The following IGSF21 variants were observed in gnomAD, a reference collection of about 807,000 sequenced individuals.
IGSF21 encodes immunoglobulin superfamily member 21.
Under a neutral mutation model 46.8 loss-of-function variants are expected in IGSF21, and 28 were observed. That is an observed-to-expected ratio of 0.60 (90% CI 0.44 to 0.82). The LOEUF (loss-of-function observed/expected upper bound fraction) is 0.82. Ranked by LOEUF, IGSF21 falls within the 40% of genes least tolerant of loss-of-function variation. The pLI, the probability that IGSF21 is intolerant of heterozygous loss-of-function variation, is 0.00. For synonymous variants in IGSF21, 284 were observed against 273.6 expected, an observed-to-expected ratio of 1.04 and a Z score of -0.38; for missense variants, 624 against 665.5, an observed-to-expected ratio of 0.94 and a Z score of 0.69.
In IGSF21 at chr1:18,292,118, G is replaced by A. The variant is rs369630557; in HGVS notation, c.305+131G>A. The stretch of plus-strand genomic sequence containing the variant: ...TTGGGCTTGGAAGGCAGAACTGGGG[G>A]CTCCCCTTATGGAAGTGGGACCCAT... On this transcript the variant is annotated intron_variant, in intron 3 of 9. Transcript: ENST00000251296. 62 of 982,380 alleles carry A rather than the reference G, an allele frequency of 6.3e-5. 1 individual carries two copies. The East Asian group carries it at 7.6e-4, about 12-fold the overall frequency. 60.9% of individuals were successfully genotyped at this position (982,380 alleles called of 1,614,324 possible).
chr1:18,161,210 G>A (rs554306302), intron 1 of IGSF21, among the ~76,000 whole-genome samples: 10 of 152,178 alleles, frequency 6.6e-5, no homozygotes, highest in Non-Finnish European at 1.3e-4. Context: ...GAGTCCCTAC[G>A]GGGCCCTCCC....
chr1:18,378,118 A>T, intron 9 of IGSF21, 138 bp from the exon 10 acceptor site: 1 of 652,892 alleles, frequency 1.5e-6, no homozygotes, highest in Non-Finnish European at 2.7e-6. Flanking sequence ...TTAGGTGGCC[A>T]GGTGGCAGAG....
At chr1:18,126,592 GC>G (rs2086276011) in intron 1 of IGSF21, among the ~76,000 whole-genome samples, 1 of 152,078 alleles carries the variant, frequency 6.6e-6, no homozygotes, top group Non-Finnish European at 1.5e-5. Flanking sequence ...CTGCGGCAGT[GC>G]CCCCCTACTT....
intron 2 of IGSF21, among the ~76,000 whole-genome samples, chr1:18,258,105 G>A (rs1215459827): frequency 6.6e-6 from 1 of 152,200 alleles, no homozygotes; most frequent in African/African-American, 2.4e-5. Flanking sequence ...CTTTGGGACA[G>A]TTGCGCTCCT....
intron 1 of IGSF21, among the ~76,000 whole-genome samples, chr1:18,116,479 CAT>C (rs2086191177): frequency 6.6e-6 from 1 of 152,250 alleles, no homozygotes; most frequent in African/African-American, 2.4e-5. Flanking sequence ...AGCAATAACA[CAT>C]GAGAGCTTTT....
chr1:18,160,177 G>A (rs1047540402), intron 1 of IGSF21, among the ~76,000 whole-genome samples: 4 of 152,200 alleles, frequency 2.6e-5, no homozygotes, highest in African/African-American at 4.8e-5. Context: ...ACTTCTCACC[G>A]AACTAGTTTA....
chr1:18,304,221 T>A (rs1240077911), intron 3 of IGSF21, among the ~76,000 whole-genome samples: 2 of 152,174 alleles, frequency 1.3e-5, no homozygotes, highest in Non-Finnish European at 2.9e-5. Flanking sequence ...GATGAAGACT[T>A]GCTCTGGCTG....
chr1:18,281,917 G>A (rs369495918), intron 2 of IGSF21, among the ~76,000 whole-genome samples: 1 of 152,286 alleles, frequency 6.6e-6, no homozygotes, highest in South Asian at 2.1e-4. Context: ...TCTGGATTTG[G>A]GGGTGTGGTG....
At chr1:18,359,336 GAAAA>G (rs1162951748) in intron 4 of IGSF21, among the ~76,000 whole-genome samples, 4,752 of 43,922 alleles carry the variant, frequency 0.11, 419 homozygotes, top group Non-Finnish European at 0.13. Flanking sequence ...GAAAGAGAAA[GAAAA>G]AGAAAGAAAG....
intron 1 of IGSF21, among the ~76,000 whole-genome samples, chr1:18,128,643 A>G (rs927542547): frequency 6.6e-6 from 1 of 152,122 alleles, no homozygotes; most frequent in African/African-American, 2.4e-5. Context: ...ATTCTTGCAG[A>G]ACTCCACGTG....
rs148033483 is a variant in IGSF21 at position 18,324,986 on chromosome 1, G to A, written c.306-9906G>A. On this transcript the variant is annotated intron_variant, in intron 3 of 9. Coordinates refer to ENST00000251296, the MANE Select transcript of IGSF21 (RefSeq NM_032880.5). The stretch of plus-strand genomic sequence containing the variant: ...CCTTAGTCAAGTTCACAGCAGGGAG[G>A]ATGAGACAATTTGCTCTTGAGCTAG... Among the ~76,000 whole-genome samples, 263 of 152,356 alleles carry A rather than the reference G, an allele frequency of 1.7e-3. 1 individual carries two copies. Among genetic ancestry groups the A allele is most frequent in the Middle Eastern group, 0.014 (4 of 292 alleles).
At chr1:18,229,919 G>A (rs889806946) in intron 2 of IGSF21, among the ~76,000 whole-genome samples, 1 of 152,240 alleles carries the variant, frequency 6.6e-6, no homozygotes, top group East Asian at 1.9e-4. Flanking sequence ...AGAGGGAGGG[G>A]TGGTGAAAGA....
At chr1:18,210,247 G>A (rs72655145) in intron 1 of IGSF21, among the ~76,000 whole-genome samples, 22,809 of 152,148 alleles carry the variant, frequency 0.15, 2,157 homozygotes, top group Non-Finnish European at 0.2. Context: ...GCTCCCCTGG[G>A]AAGAGGGATC....
intron 3 of IGSF21, among the ~76,000 whole-genome samples, chr1:18,324,381 C>T (rs541817461): frequency 7.2e-5 from 11 of 152,210 alleles, no homozygotes; most frequent in Non-Finnish European, 1.5e-4. Flanking sequence ...ACTCCACATC[C>T]GCCTCTGGAT....
chr1:18,218,596 T>A (rs2124497574), intron 1 of IGSF21, among the ~76,000 whole-genome samples: 1 of 152,292 alleles, frequency 6.6e-6, no homozygotes, highest in South Asian at 2.1e-4. Context: ...AACACTAGAA[T>A]CAAGGTGCCA....
intron 1 of IGSF21, among the ~76,000 whole-genome samples, chr1:18,200,882 C>G (rs1169126429): frequency 6.6e-6 from 1 of 152,154 alleles, no homozygotes; most frequent in Non-Finnish European, 1.5e-5. Flanking sequence ...TTTACCCCAG[C>G]CCCATGAGGA....
At chr1:18,287,038 G>A (rs1031537403) in intron 2 of IGSF21, among the ~76,000 whole-genome samples, 12 of 151,182 alleles carry the variant, frequency 7.9e-5, no homozygotes, top group Non-Finnish European at 1.5e-4. Context: ...AAAATTAGCC[G>A]GGCGTAGTGG....
chr1:18,277,627 G>C (rs2085114848), intron 2 of IGSF21, among the ~76,000 whole-genome samples: 1 of 152,176 alleles, frequency 6.6e-6, no homozygotes, highest in African/African-American at 2.4e-5. Context: ...AAACTGTCCA[G>C]GTGCCTTTTA....
At chr1:18,139,026 TC>T (rs1410640293) in intron 1 of IGSF21, among the ~76,000 whole-genome samples, 2 of 152,104 alleles carry the variant, frequency 1.3e-5, no homozygotes, top group African/African-American at 4.8e-5. Flanking sequence ...AAAACCCACA[TC>T]CTTACCCACT....
Sources: gnomAD v4.1 joint callset for allele counts (sites outside exome capture counted in the v4.1 genomes callset) on GRCh38, gnomAD v4.1.1 for gene constraint, MANE v1.5 for transcripts, NCBI Gene and HGNC (gene_info 2026-07-23, HGNC 2026-07-21) for gene names.